The following LACTB2 variants were observed in gnomAD, a reference collection of about 807,000 sequenced individuals.
LACTB2 encodes endoribonuclease LACTB2.
Under a neutral mutation model 34.8 loss-of-function variants are expected in LACTB2, and 32 were observed. The ratio of observed to expected loss-of-function variants is 0.92; its 90% CI spans 0.69 to 1.24. The LOEUF (loss-of-function observed/expected upper bound fraction) is 1.24, where lower values mean the gene tolerates loss of function less well. Ranked by LOEUF, LACTB2 falls within the 50% of genes most tolerant of loss-of-function variation. The pLI is 0.00. For missense variants in LACTB2, 320 were observed against 345.0 expected, an observed-to-expected ratio of 0.93 and a Z score of 0.57; for synonymous variants, 120 against 117.5, an observed-to-expected ratio of 1.02 and a Z score of -0.14.
At position 70,638,571 on chromosome 8, in the gene LACTB2, T is replaced by C; in HGVS notation, c.800A>G (p.Lys267Arg). 6.6e-7 allele frequency: 1 copy of C among 1,521,620 alleles called. No homozygotes were observed. The allele number at this position is 1,521,620 out of a possible 1,614,324, so 94.3% of individuals were successfully genotyped here. A position where few individuals can be genotyped will look rare whatever the true frequency, so the allele number is the denominator to read the frequency against. The change falls in exon 6 of 7, where the codon AAA (lysine) becomes AGA (arginine). Residue 267 changes from lysine to arginine, a missense_variant. Transcript: ENST00000276590. ...AKHNLLLHLK[K>R]LEKEGKIFSN... is the part of the protein sequence containing the mutation. ...ACATATTTTTCCTTCTTTTTCTAGTTTTTTCAAATGAAGTAAGAGATTATG... is the reference window on the plus strand; with the variant it reads ...ACATATTTTTCCTTCTTTTTCTAGTCTTTTCAAATGAAGTAAGAGATTATG...
chr8:70,652,161 C>T (rs948840167), intron 3 of LACTB2, among the ~76,000 whole-genome samples: 14 of 152,082 alleles, frequency 9.2e-5, no homozygotes, highest in Non-Finnish European at 2.1e-4. Context: ...GGCAAGTAGG[C>T]AAGATCAACT....
chr8:70,643,584 T>A (rs268632), intron 4 of LACTB2, among the ~76,000 whole-genome samples: 2 of 151,744 alleles, frequency 1.3e-5, no homozygotes, highest in Non-Finnish European at 2.9e-5. Context: ...GTGCAATCTC[T>A]GCTGACTGCA....
chr8:70,644,271 T>C (rs764370085), intron 3 of LACTB2, 28 bp from the exon 4 acceptor site: 13 of 1,457,530 alleles, frequency 8.9e-6, no homozygotes, highest in Non-Finnish European at 8.3e-6. Flanking sequence ...TAAGGAATAA[T>C]AACAATTATG....
intron 6 of LACTB2, 110 bp from the exon 7 acceptor site, chr8:70,638,013 T>A: frequency 1.8e-6 from 1 of 571,414 alleles, no homozygotes; most frequent in South Asian, 3.9e-5. Context: ...ATAATTTTGT[T>A]GCTCAATATA....
chr8:70,648,138 C>T (rs1346182157), intron 3 of LACTB2, among the ~76,000 whole-genome samples: 2 of 152,246 alleles, frequency 1.3e-5, no homozygotes, highest in Admixed American at 1.3e-4. Flanking sequence ...AACTGAAGAG[C>T]TCATCCAGAT....
In LACTB2 at chr8:70,637,656, G is replaced by T; in HGVS notation, c.*204C>A. The T allele has an allele frequency of 2.9e-6, 1 of 340,990 alleles. No individual in the cohort carries two copies. The highest frequency in any genetic ancestry group is 5.4e-6 in the Non-Finnish European group (1 of 186,138). 21.1% of individuals were successfully genotyped at this position (340,990 alleles called of 1,614,324 possible). A position where few individuals can be genotyped will look rare whatever the true frequency, so the allele number is the denominator to read the frequency against. On this transcript the variant is annotated 3_prime_UTR_variant, in exon 7 of 7. Transcript: ENST00000276590. The stretch of plus-strand genomic sequence containing the variant: ...ATTATGAATTTTTGGTAAAACGTTA[G>T]AAGACAAGGTTAGAGAAATAACCTA...
intron 3 of LACTB2, among the ~76,000 whole-genome samples, chr8:70,651,230 TAAG>T (rs1257394426): frequency 6.6e-6 from 1 of 152,178 alleles, no homozygotes; most frequent in Non-Finnish European, 1.5e-5. Context: ...TGTCTGACAT[TAAG>T]AACTATTATG....
intron 2 of LACTB2, chr8:70,660,629 T>C (rs1238737424): frequency 4.4e-6 from 2 of 456,270 alleles, no homozygotes; most frequent in Non-Finnish European, 8.8e-6. Context: ...TCTTTGCTCC[T>C]GCAATGCTGT....
At position 70,641,052 on chromosome 8, in the gene LACTB2, T is replaced by C; in HGVS notation, c.593-2A>G. 1 of 1,587,618 alleles carries C rather than the reference T, an allele frequency of 6.3e-7. No individual in the cohort carries two copies. The highest frequency in any genetic ancestry group is 1.9e-5 in the Admixed American group (1 of 53,006). Reference sequence around the variant, plus strand: ...CATTATGAATTACTGGGCCATGTCCTGAATTAAAATAATTATAAGAGTTAC... The same window carrying C: ...CATTATGAATTACTGGGCCATGTCCCGAATTAAAATAATTATAAGAGTTAC... On this transcript the variant is annotated splice_acceptor_variant, in intron 4 of 6. Coordinates refer to ENST00000276590, the MANE Select transcript of LACTB2 (RefSeq NM_016027.3). LOFTEE classifies it high-confidence loss of function.
chr8:70,639,301 A>G (rs914145472), intron 5 of LACTB2, among the ~76,000 whole-genome samples: 1 of 151,894 alleles, frequency 6.6e-6, no homozygotes. Flanking sequence ...CTAGGATTAC[A>G]GGCGTGTGCC....
At chr8:70,660,954 T>A (rs532357109) in intron 2 of LACTB2, 1 of 455,388 alleles carries the variant, frequency 2.2e-6, no homozygotes, top group Non-Finnish European at 4.4e-6. Context: ...ATTTTTGTAC[T>A]TTTTTTGTAG....
At chr8:70,657,415 G>A (rs1197709876) in intron 3 of LACTB2, among the ~76,000 whole-genome samples, 1 of 149,478 alleles carries the variant, frequency 6.7e-6, no homozygotes, top group Non-Finnish European at 1.5e-5. Flanking sequence ...CAGCACATAT[G>A]CACAGATCTT....
chr8:70,652,901 A>ATGATAAG (rs11281440), intron 3 of LACTB2: 2 of 151,706 alleles, frequency 1.3e-5, no homozygotes, highest in East Asian at 3.9e-4. Flanking sequence ...CCATGATTCT[A>ATGATAAG]TGTGATAAAC....
intron 1 of LACTB2, among the ~76,000 whole-genome samples, chr8:70,664,450 C>A (rs1818515635): frequency 6.6e-6 from 1 of 152,114 alleles, no homozygotes; most frequent in Non-Finnish European, 1.5e-5. Flanking sequence ...TGGTTGTTTG[C>A]AGGTGAAAGT....
In LACTB2 at chr8:70,637,656, GAAGAC is replaced by G. The variant is rs1818140022; in HGVS notation, c.*199_*203del. On this transcript the variant is annotated 3_prime_UTR_variant, in exon 7 of 7. Transcript: ENST00000276590. ...ATTATGAATTTTTGGTAAAACGTTA[GAAGAC>G]AAGGTTAGAGAAATAACCTATCATA... 8.8e-6 allele frequency: 3 copies of G among 340,990 alleles called. No homozygotes were observed. The highest frequency in any genetic ancestry group is 8.2e-4 in the Middle Eastern group (1 of 1,226). The allele number at this position is 340,990 out of a possible 1,614,324, so 21.1% of individuals were successfully genotyped here. A position where few individuals can be genotyped will look rare whatever the true frequency, so the allele number is the denominator to read the frequency against.
At chr8:70,661,685 C>T in intron 2 of LACTB2, 49 bp downstream of exon 2, 3 of 1,519,870 alleles carry the variant, frequency 2.0e-6, no homozygotes, top group Non-Finnish European at 2.7e-6. Context: ...ATAAATTATT[C>T]TCCAAACACG....
chr8:70,659,696 G>T (rs1159817165), intron 2 of LACTB2, among the ~76,000 whole-genome samples: 1 of 152,072 alleles, frequency 6.6e-6, no homozygotes, highest in Non-Finnish European at 1.5e-5. Flanking sequence ...GAGACCTTTA[G>T]TAGACAATTA....
Position 70,661,808 on chromosome 8 carries a change from T to C in LACTB2, c.212A>G (p.Gln71Arg), listed in dbSNP as rs769193560. The C allele has an allele frequency of 6.2e-7, 1 of 1,613,856 alleles. No individual in the cohort carries two copies. Among genetic ancestry groups the C allele is most frequent in the Non-Finnish European group, 8.5e-7 (1 of 1,179,854 alleles). ...GTGCCAGTGAGTCACTACAATTTCC[T>C]GGATTGCTGTGTTAAATTCAGTTAG... ...QALTEFNTAI[Q>R]EIVVTHWHRD... Residue 71 changes from glutamine (Q) to arginine (R), a missense_variant, in exon 2 of 7, where the codon CAG becomes CGG. Physicochemically the swap from Gln to Arg is conservative, Grantham distance 43. Transcript: ENST00000276590.
At chr8:70,661,643 T>C in intron 2 of LACTB2, 91 bp downstream of exon 2, 1 of 1,096,232 alleles carries the variant, frequency 9.1e-7, no homozygotes, top group East Asian at 2.4e-5. Flanking sequence ...ATTTAGTAAA[T>C]GGTTTATAGA....
Sources: allele counts gnomAD v4.1 joint callset (sites outside exome capture counted in the v4.1 genomes callset), GRCh38; gene constraint gnomAD v4.1.1; transcripts MANE v1.5; gene names NCBI Gene and HGNC (gene_info 2026-07-23, HGNC 2026-07-21).